The following CNTN4 variants were observed in gnomAD, a reference collection of about 807,000 sequenced individuals.
CNTN4 encodes contactin-4.
CNTN4 carries 77 observed loss-of-function variants against 122.5 expected under a neutral mutation model. That is an observed-to-expected ratio of 0.63 (90% CI 0.52 to 0.76). The LOEUF (loss-of-function observed/expected upper bound fraction) is 0.76, where lower values mean the gene tolerates loss of function less well. Ranked by LOEUF, CNTN4 falls within the 30% of genes least tolerant of loss-of-function variation. The probability of loss-of-function intolerance (pLI) is 0.00; values close to 1 mark genes in which losing one functional copy is unlikely to be tolerated. For missense variants in CNTN4, 1,256 were observed against 1,259.1 expected, an observed-to-expected ratio of 1.00 and a Z score of 0.04; for synonymous variants, 512 against 447.0, an observed-to-expected ratio of 1.15 and a Z score of -1.83.
chr3:2,769,017 C>T (rs959410477), intron 6 of CNTN4, among the ~76,000 whole-genome samples: 1 of 152,162 alleles, frequency 6.6e-6, no homozygotes, highest in Non-Finnish European at 1.5e-5. Flanking sequence ...GGGGTCCACC[C>T]TGAAGCCAAA....
intron 4 of CNTN4, among the ~76,000 whole-genome samples, chr3:2,675,661 T>C (rs542433630): frequency 1.3e-5 from 2 of 152,254 alleles, no homozygotes; most frequent in African/African-American, 2.4e-5. Context: ...TAAGTACACA[T>C]TGAATGGGAG....
chr3:2,466,373 T>A (rs983620593), intron 3 of CNTN4, among the ~76,000 whole-genome samples: 1 of 152,204 alleles, frequency 6.6e-6, no homozygotes, highest in Non-Finnish European at 1.5e-5. Flanking sequence ...GTCGCTGCTC[T>A]TAACTTGTAT....
intron 4 of CNTN4, among the ~76,000 whole-genome samples, chr3:2,692,733 C>T (rs984560477): frequency 6.6e-6 from 1 of 152,026 alleles, no homozygotes; most frequent in Non-Finnish European, 1.5e-5. Flanking sequence ...TAGAAAAATT[C>T]TGAACTAAAG....
chr3:2,269,601 A>G (rs1343943819), intron 2 of CNTN4, among the ~76,000 whole-genome samples: 1 of 152,114 alleles, frequency 6.6e-6, no homozygotes, highest in East Asian at 1.9e-4. Flanking sequence ...TCACTTAGGA[A>G]TGGTTTGGGA....
intron 3 of CNTN4, among the ~76,000 whole-genome samples, chr3:2,563,788 G>A (rs532211970): frequency 6.6e-6 from 1 of 152,104 alleles, no homozygotes; most frequent in African/African-American, 2.4e-5. Flanking sequence ...TAAAAATGAT[G>A]GACTGTAAGG....
At chr3:2,714,169 A>C (rs2728044) in intron 4 of CNTN4, among the ~76,000 whole-genome samples, 9,587 of 152,122 alleles carry the variant, frequency 0.063, 764 homozygotes, top group African/African-American at 0.19. Context: ...CTTTTATCTG[A>C]TTGTTCTCTA....
intron 4 of CNTN4, among the ~76,000 whole-genome samples, chr3:2,651,035 C>T (rs183259998): frequency 1.3e-5 from 2 of 152,226 alleles, no homozygotes; most frequent in African/African-American, 4.8e-5. Flanking sequence ...TACTATGGAA[C>T]GCAAGGATAT....
At chr3:2,491,730 G>A (rs957690210) in intron 3 of CNTN4, among the ~76,000 whole-genome samples, 35 of 152,084 alleles carry the variant, frequency 2.3e-4, no homozygotes, top group African/African-American at 8.5e-4. Context: ...TTGATATTCA[G>A]TATGGTAGAA....
rs77622951 is a variant in CNTN4, at chr3:2,628,614, A to T, written c.55+57056A>T. On this transcript the variant is annotated intron_variant, in intron 4 of 24. Coordinates refer to ENST00000418658, the MANE Select transcript of CNTN4 (RefSeq NM_175607.3). ...GGGATTTTCTTTTCTAGTTGCCTTT[A>T]TCCGTGTCGGTGAAATGAGAACAAA... Among the ~76,000 whole-genome samples the T allele has an allele frequency of 9.3e-3, 1,409 of 152,240 alleles. 25 individuals carry two copies. Among genetic ancestry groups the T allele is most frequent in the African/African-American group, 0.033 (1,355 of 41,534 alleles).
intron 3 of CNTN4, among the ~76,000 whole-genome samples, chr3:2,404,654 A>T (rs1223282029): frequency 6.6e-6 from 1 of 152,194 alleles, no homozygotes; most frequent in East Asian, 1.9e-4. Flanking sequence ...CCTGTTGTAA[A>T]GTCAGCTAAT....
intron 12 of CNTN4, among the ~76,000 whole-genome samples, chr3:2,911,300 A>G (rs939110129): frequency 6.6e-6 from 1 of 152,292 alleles, no homozygotes; most frequent in Non-Finnish European, 1.5e-5. Context: ...CAGCACTAGA[A>G]AGTCCACAGT....
intron 2 of CNTN4, among the ~76,000 whole-genome samples, chr3:2,144,928 C>T (rs1186043659): frequency 6.6e-6 from 1 of 152,134 alleles, no homozygotes. Flanking sequence ...CAGGGAAGAT[C>T]AGATCAGTTA....
intron 3 of CNTN4, among the ~76,000 whole-genome samples, chr3:2,408,769 G>A (rs115561967): frequency 0.021 from 3,215 of 152,240 alleles, 126 homozygotes; most frequent in African/African-American, 0.074. Context: ...ATAAAATGTG[G>A]TGTTAGTAGA....
At chr3:2,944,456 C>T (rs1181542080) in intron 13 of CNTN4, among the ~76,000 whole-genome samples, 2 of 152,116 alleles carry the variant, frequency 1.3e-5, no homozygotes, top group African/African-American at 2.4e-5. Context: ...AGTTGAGCTC[C>T]ATGATGTTGG....
At chr3:3,051,658 T>C (rs1049795714) in intron 23 of CNTN4, among the ~76,000 whole-genome samples, 1 of 152,182 alleles carries the variant, frequency 6.6e-6, no homozygotes, top group Non-Finnish European at 1.5e-5. Context: ...CTGATACAAC[T>C]GATGCTGCGG....
chr3:3,042,185 G>T (rs1198568435), intron 20 of CNTN4, 125 bp from the exon 21 acceptor site: 3 of 751,524 alleles, frequency 4.0e-6, no homozygotes, highest in African/African-American at 3.5e-5. Context: ...CAAAATGAGG[G>T]TTTGGCTTAC....
intron 13 of CNTN4, among the ~76,000 whole-genome samples, chr3:2,938,492 T>G (rs142831204): frequency 9.3e-4 from 142 of 152,342 alleles, no homozygotes; most frequent in African/African-American, 3.3e-3. Flanking sequence ...GTTGCAAAGC[T>G]TGATAATGTT....
chr3:2,679,171 G>C (rs1166555546), intron 4 of CNTN4, among the ~76,000 whole-genome samples: 3 of 151,978 alleles, frequency 2.0e-5, no homozygotes, highest in African/African-American at 4.8e-5. Flanking sequence ...TCTTAATTAA[G>C]AATTATTCTT....
intron 3 of CNTN4, among the ~76,000 whole-genome samples, chr3:2,380,614 G>C (rs1420235242): frequency 6.6e-6 from 1 of 151,916 alleles, no homozygotes; most frequent in Non-Finnish European, 1.5e-5. Flanking sequence ...AAAATGATCA[G>C]TTTACCCAGG....
Sources: allele counts gnomAD v4.1 joint callset (sites outside exome capture counted in the v4.1 genomes callset), GRCh38; gene constraint gnomAD v4.1.1; transcripts MANE v1.5; gene names NCBI Gene and HGNC (gene_info 2026-07-23, HGNC 2026-07-21).